The following SHC2 variants were observed in gnomAD, a reference collection of about 807,000 sequenced individuals.
The protein encoded by SHC2 is SHC-transforming protein 2.
A neutral mutation model predicts 60.6 loss-of-function variants in SHC2; 62 were observed. The ratio of observed to expected loss-of-function variants is 1.02; its 90% CI spans 0.83 to 1.26. SHC2 has a LOEUF of 1.26. Among genes scored for constraint, SHC2 ranks in the 50% most tolerant of loss-of-function variants. The probability of loss-of-function intolerance (pLI) is 0.00; values close to 1 mark genes in which losing one functional copy is unlikely to be tolerated. For missense variants in SHC2, 873 were observed against 822.2 expected (o/e 1.06, Z -0.76); for synonymous variants, 375 against 372.4 (o/e 1.01, Z -0.08).
At chr19:418,294 A>C (rs1018463734) in intron 12 of SHC2, among the ~76,000 whole-genome samples, 1 of 152,214 alleles carries the variant, frequency 6.6e-6, no homozygotes, top group Non-Finnish European at 1.5e-5. Context: ...AGCACGCCGC[A>C]GGGGTCCACA....
Position 417,965 on chromosome 19 carries a change from C to G in SHC2, c.*6-643G>C, listed in dbSNP as rs538539918. ...TTGGGAAATTCCACAGCCCCCTCCC[C>G]CTGCCGGCCCTCCCTCCTCCCCGGC... On this transcript the variant is annotated intron_variant, in intron 12 of 12. Coordinates refer to ENST00000264554, the MANE Select transcript of SHC2 (RefSeq NM_012435.3). 5.9e-5 allele frequency among the ~76,000 whole-genome samples: 9 copies of G among 152,274 alleles called. No homozygotes were observed. The South Asian group carries it at 1.2e-3, about 21-fold the overall frequency.
Position 438,643 on chromosome 19 carries a change from C to T in SHC2, c.720+75G>A. 2 of 1,492,408 alleles carry T rather than the reference C, an allele frequency of 1.3e-6. No individual in the cohort carries two copies. Among genetic ancestry groups the T allele is most frequent in the Non-Finnish European group, 1.8e-6 (2 of 1,112,342 alleles). The allele number at this position is 1,492,408 out of a possible 1,614,324, so 92.4% of individuals were successfully genotyped here. On this transcript the variant is annotated intron_variant, in intron 4 of 12. Coordinates refer to ENST00000264554, the MANE Select transcript of SHC2 (RefSeq NM_012435.3). The surrounding 1 kb of genome is among the most constrained non-coding windows in gnomAD (Gnocchi z 5.0). ...CCACCTGCTGCCCGCCCCCAGCACC[C>T]CACCTGGCTTTGCCTCCTAGGACTC...
intron 1 of SHC2, among the ~76,000 whole-genome samples, chr19:443,166 A>ATGGG (rs1419409804): frequency 7.2e-6 from 1 of 138,020 alleles, no homozygotes; most frequent in African/African-American, 2.8e-5. Context: ...GGATGGATGG[A>ATGGG]TGGGTGGGTA....
At position 438,876 on chromosome 19, in the gene SHC2, T is replaced by TG. The variant is rs765073629; in HGVS notation, c.601-40dup. ...GGAGCACAGCGAGGGCGGCTGTGGG[T>TG]GGGGGCTGTCGAGGGGCTCCCAGGA... On this transcript the variant is annotated intron_variant, in intron 3 of 12. Coordinates refer to ENST00000264554, the MANE Select transcript of SHC2 (RefSeq NM_012435.3). This position sits in a 1 kb window ranked among gnomAD's most constrained non-coding sequence, Gnocchi z 5.0. 2.6e-6 allele frequency: 4 copies of TG among 1,554,664 alleles called. No homozygotes were observed. Among genetic ancestry groups the TG allele is most frequent in the East Asian group, 4.8e-5 (2 of 41,282 alleles).
intron 12 of SHC2, among the ~76,000 whole-genome samples, chr19:417,705 C>T (rs775801398): frequency 3.0e-4 from 45 of 152,308 alleles, no homozygotes; most frequent in Non-Finnish European, 3.8e-4. Flanking sequence ...AGGCAGGGAC[C>T]GGTGCGAACG....
chr19:433,350 G>A (rs374899396), intron 8 of SHC2, among the ~76,000 whole-genome samples: 1 of 9,402 alleles, frequency 1.1e-4, no homozygotes, highest in Non-Finnish European at 1.9e-4. Flanking sequence ...GCGCTTCATC[G>A]TGAGTGAGAT....
intron 1 of SHC2, among the ~76,000 whole-genome samples, chr19:448,226 C>T (rs1300891024): frequency 6.6e-6 from 1 of 152,248 alleles, no homozygotes; most frequent in African/African-American, 2.4e-5. Context: ...CATTCATTTC[C>T]CAGGGCTGCC....
In SHC2 at chr19:460,654, C is replaced by T; in HGVS notation, c.343G>A (p.Gly115Arg). ...GCGGCGGCGGCGGCGTCCCCGGACC[C>T]CGCCGCCCCCCGCCCGCCCCGCGAC... ...RGSRGGRGAA[G>R]SGDAAAAAEW... Residue 115 changes from glycine (G) to arginine (R), a missense_variant, in exon 1 of 13, where the codon GGG (glycine) becomes AGG (arginine). Physicochemically the swap from Gly to Arg is moderately radical, Grantham distance 125 (BLOSUM62 -2). Coordinates refer to ENST00000264554, the MANE Select transcript of SHC2 (RefSeq NM_012435.3). The T allele has an allele frequency of 8.6e-7, 1 of 1,167,644 alleles. No homozygotes were observed. Among genetic ancestry groups the T allele is most frequent in the Non-Finnish European group, 1.1e-6 (1 of 947,916 alleles). The allele number at this position is 1,167,644 out of a possible 1,614,324, so 72.3% of individuals were successfully genotyped here.
In SHC2 at chr19:425,183, T is replaced by C. The variant is rs1416830985; in HGVS notation, c.1223A>G (p.Asp408Gly). Residue 408 changes from aspartate to glycine, a missense_variant, in exon 10 of 13, where the codon GAC becomes GGC. By Grantham distance (94) the Asp-to-Gly change is moderately conservative. Coordinates refer to ENST00000264554, the MANE Select transcript of SHC2 (RefSeq NM_012435.3). This position sits in a 1 kb window ranked among gnomAD's most constrained non-coding sequence, Gnocchi z 4.1. ...YVQADARGPP[D>G]HEEHLYVNTQ... ...GTTGACATACAGGTGCTCCTCGTGG[T>C]CCGGGGGGCCCCGGGCGTCCGCCTG... 1 of 1,347,562 alleles carries C rather than the reference T, an allele frequency of 7.4e-7. No homozygotes were observed. The highest frequency in any genetic ancestry group is 2.3e-5 in the South Asian group (1 of 43,576). The allele number at this position is 1,347,562 out of a possible 1,614,324, so 83.5% of individuals were successfully genotyped here. A position where few individuals can be genotyped will look rare whatever the true frequency, so the allele number is the denominator to read the frequency against.
intron 1 of SHC2, among the ~76,000 whole-genome samples, chr19:447,762 G>C (rs186638439): frequency 1.0e-3 from 153 of 151,124 alleles, no homozygotes; most frequent in African/African-American, 3.6e-3. Context: ...TGGGTGACAA[G>C]AACAAAACTC....
rs924653375 is a variant in SHC2 at position 424,838 on chromosome 19, C to G, written c.1309+259G>C. Among the ~76,000 whole-genome samples the G allele has an allele frequency of 1.3e-5, 2 of 152,162 alleles. No individual in the cohort carries two copies. The highest frequency in any genetic ancestry group is 2.9e-5 in the Non-Finnish European group (2 of 68,028). On this transcript the variant is annotated intron_variant, in intron 10 of 12. Coordinates refer to ENST00000264554, the MANE Select transcript of SHC2 (RefSeq NM_012435.3). The surrounding 1 kb of genome is among the most constrained non-coding windows in gnomAD (Gnocchi z 4.5). ...ACCCATTACACTGCTCGGCCGCATT[C>G]GCTAGAGAGAATGGGCCTCCCCTGT... is the stretch of plus-strand genomic sequence containing the variant.
Position 438,836 on chromosome 19 carries a change from G to C in SHC2, c.602C>G (p.Ala201Gly). 2 of 1,565,548 alleles carry C rather than the reference G, an allele frequency of 1.3e-6. No homozygotes were observed. The highest frequency in any genetic ancestry group is 1.7e-6 in the Non-Finnish European group (2 of 1,156,150). Reference sequence around the variant, plus strand: ...GACGGACGCCAGGGCCTTGTTGGGGGCCTGAGTTGGGGGCGGAGCACAGCG... The same window carrying C: ...GACGGACGCCAGGGCCTTGTTGGGGCCCTGAGTTGGGGGCGGAGCACAGCG... ...PGVRGSWKKKAPNKALASVLG... is the reference protein window; with the variant it reads ...PGVRGSWKKKGPNKALASVLG... The change falls in exon 4 of 13, where the codon GCC becomes GGC. Residue 201 changes from alanine to glycine, a missense_variant and splice_region_variant. Transcript: ENST00000264554. The surrounding 1 kb of genome is among the most constrained non-coding windows in gnomAD (Gnocchi z 5.0).
chr19:458,560 G>C lies in SHC2; in HGVS notation c.468+1969C>G, dbSNP rs1007837359. On this transcript the variant is annotated intron_variant, in intron 1 of 12. Transcript: ENST00000264554. ...ATTCGGGTTCCGGGGAGGTGGAAGC[G>C]GGTCCTGGGGAGGCGGAAGCGGGTT... Among the ~76,000 whole-genome samples the C allele has an allele frequency of 1.1e-4, 16 of 139,720 alleles. 3 individuals carry two copies. The highest frequency in any genetic ancestry group is 4.4e-4 in the African/African-American group (16 of 36,220). 91.7% of individuals were successfully genotyped at this position (139,720 alleles called of 152,430 possible).
chr19:418,993 C>G lies in SHC2; in HGVS notation c.1684G>C (p.Gly562Arg). 2 of 1,586,346 alleles carry G rather than the reference C, an allele frequency of 1.3e-6. No homozygotes were observed. The highest frequency in any genetic ancestry group is 1.7e-6 in the Non-Finnish European group (2 of 1,166,924). ...CTCTCGGCGGCCACGATGGGCTGCC[C>G]GTTCTGCAGGTGGTGGTCGATCAGG... ...SHLIDHHLQN[G>R]QPIVAAESEL... The change falls in exon 12 of 13, where the codon GGG (glycine) becomes CGG (arginine). Residue 562 changes from glycine (G) to arginine (R), a missense_variant. Coordinates refer to ENST00000264554, the MANE Select transcript of SHC2 (RefSeq NM_012435.3).
At chr19:429,854 A>C (rs1974526792) in intron 9 of SHC2, among the ~76,000 whole-genome samples, 1 of 150,392 alleles carries the variant, frequency 6.6e-6, no homozygotes, top group Admixed American at 6.6e-5. Flanking sequence ...ACGCACAGAA[A>C]CCTAACACCG....
intron 1 of SHC2, among the ~76,000 whole-genome samples, chr19:456,580 C>T (rs906715868): frequency 6.6e-6 from 1 of 152,166 alleles, no homozygotes; most frequent in African/African-American, 2.4e-5. Context: ...ACCACCCCCA[C>T]TCCTCACCAC....
At chr19:437,814 G>A (rs930566533) in intron 4 of SHC2, among the ~76,000 whole-genome samples, 2 of 151,902 alleles carry the variant, frequency 1.3e-5, no homozygotes, top group South Asian at 2.1e-4. Context: ...CCGACAAGGC[G>A]ATGCCTCCTC....
rs1049338285 is a variant in SHC2 at position 441,609 on chromosome 19, C to G, written c.469-677G>C. Among the ~76,000 whole-genome samples the G allele has an allele frequency of 3.9e-5, 6 of 152,168 alleles. No homozygotes were observed. The highest frequency in any genetic ancestry group is 1.3e-4 in the Admixed American group (2 of 15,282). ...GAGGGAGGGTAAGGGGCACAGCCCA[C>G]GTCATCTCTATGAAATGTCCTACAG... On this transcript the variant is annotated intron_variant, in intron 1 of 12. Coordinates refer to ENST00000264554, the MANE Select transcript of SHC2 (RefSeq NM_012435.3). The surrounding 1 kb of genome is among the most constrained non-coding windows in gnomAD (Gnocchi z 4.9).
intron 7 of SHC2, 115 bp from the exon 8 acceptor site, chr19:434,980 C>A (rs1048445968): frequency 1.5e-5 from 17 of 1,115,574 alleles, no homozygotes; most frequent in Non-Finnish European, 7.5e-6. Context: ...CAGCCCCCCA[C>A]CTGTCACTGA....
Sources: allele counts gnomAD v4.1 joint callset (sites outside exome capture counted in the v4.1 genomes callset), GRCh38; gene constraint gnomAD v4.1.1; non-coding constraint Gnocchi (gnomAD v3.1); transcripts MANE v1.5; gene names NCBI Gene and HGNC (gene_info 2026-07-23, HGNC 2026-07-21).